Variants in ZNF536 observed in about 807,000 individuals in gnomAD.
ZNF536 encodes the protein zinc finger protein 536.
A neutral mutation model predicts 84.5 loss-of-function variants in ZNF536; 13 were observed. The observed-to-expected ratio is 0.15, with a 90% CI of 0.10 to 0.24. ZNF536 has a LOEUF of 0.24. ZNF536 is among the 10% of genes least tolerant of loss of function. ZNF536 has a pLI of 1.00. For synonymous variants in ZNF536, 811 were observed against 742.5 expected (o/e 1.09, Z -1.50); for missense variants, 1,536 against 1,747.5 (o/e 0.88, Z 2.16).
intron 1 of ZNF536, among the ~76,000 whole-genome samples, chr19:30,394,869 A>G (rs554738720): frequency 6.6e-6 from 1 of 152,342 alleles, no homozygotes; most frequent in East Asian, 1.9e-4. Context: ...CCTGAAAAGC[A>G]GTGGGTAAGC....
At chr19:30,654,313 C>A (rs971600554) in intron 1 of ZNF536, among the ~76,000 whole-genome samples, 3 of 152,130 alleles carry the variant, frequency 2.0e-5, no homozygotes, top group African/African-American at 7.2e-5. Flanking sequence ...GGGATCATCA[C>A]AAAATCTGGA....
chr19:30,442,587 A>G (rs1363421719), intron 1 of ZNF536, among the ~76,000 whole-genome samples: 1 of 152,220 alleles, frequency 6.6e-6, no homozygotes, highest in Non-Finnish European at 1.5e-5. Flanking sequence ...AAGGATGGGA[A>G]GAGCCCCATT....
At chr19:30,310,947 G>A (rs1340516827) in intron 2 of ZNF536, among the ~76,000 whole-genome samples, 2 of 152,216 alleles carry the variant, frequency 1.3e-5, no homozygotes, top group Non-Finnish European at 2.9e-5. Context: ...GGGCGACTCA[G>A]GGCCCCGGCT....
At chr19:30,404,898 C>T (rs1298627087) in intron 1 of ZNF536, among the ~76,000 whole-genome samples, 8 of 152,216 alleles carry the variant, frequency 5.3e-5, no homozygotes, top group African/African-American at 1.9e-4. Context: ...TTCTGACCAA[C>T]AGGCTTCACG....
intron 1 of ZNF536, among the ~76,000 whole-genome samples, chr19:30,393,106 G>A (rs1270712760): frequency 6.6e-6 from 1 of 152,120 alleles, no homozygotes; most frequent in Non-Finnish European, 1.5e-5. Context: ...AGATGCTGAG[G>A]AACAAGAACA....
intron 2 of ZNF536, among the ~76,000 whole-genome samples, chr19:30,332,664 TA>T (rs1568338146): frequency 1.3e-5 from 2 of 152,226 alleles, no homozygotes; most frequent in Admixed American, 1.3e-4. Flanking sequence ...CCAAATTATT[TA>T]ACTACTTCTT....
chr19:30,369,643 C>T (rs549410650), upstream of ZNF536, among the ~76,000 whole-genome samples: 1 of 152,316 alleles, frequency 6.6e-6, no homozygotes, highest in East Asian at 1.9e-4. Flanking sequence ...ACATTATTTT[C>T]TCCCTGTACC....
intron 1 of ZNF536, among the ~76,000 whole-genome samples, chr19:30,611,428 CT>C (rs1216238337): frequency 6.6e-6 from 1 of 152,208 alleles, no homozygotes; most frequent in African/African-American, 2.4e-5. Flanking sequence ...TTAAAACCCC[CT>C]GCTCTGTTCC....
intron 2 of ZNF536, among the ~76,000 whole-genome samples, chr19:30,335,098 C>A (rs1472276900): frequency 6.6e-6 from 1 of 152,166 alleles, no homozygotes; most frequent in Non-Finnish European, 1.5e-5. Flanking sequence ...GCTGGCGGAA[C>A]AGGGATGGGG....
intron 2 of ZNF536, among the ~76,000 whole-genome samples, chr19:30,329,765 TA>T (rs983635719): frequency 1.6e-4 from 25 of 152,204 alleles, no homozygotes; most frequent in African/African-American, 4.6e-4. Flanking sequence ...CACACATTTT[TA>T]AAATGGAGAT....
In ZNF536 at chr19:30,301,089, T is replaced by C. The variant is rs73927006; in HGVS notation, c.-120+16948T>C. Among the ~76,000 whole-genome samples, 1,468 of 152,274 alleles carry C rather than the reference T, an allele frequency of 9.6e-3. 29 individuals carry two copies. Among genetic ancestry groups the C allele is most frequent in the African/African-American group, 0.034 (1,402 of 41,560 alleles). Reference sequence around the variant, plus strand: ...CTGGGACGCCCCATCAGGCCCCTGATCATCACAACGGAAAGTCAGCTTTTG... The same window carrying C: ...CTGGGACGCCCCATCAGGCCCCTGACCATCACAACGGAAAGTCAGCTTTTG... On this transcript the variant is annotated intron_variant, in intron 2 of 5. Transcript: ENST00000585628.
chr19:30,257,438 T>G (rs2024970087), intron 1 of ZNF536, among the ~76,000 whole-genome samples: 1 of 152,248 alleles, frequency 6.6e-6, no homozygotes, highest in South Asian at 2.1e-4. Context: ...TATTTTCCTT[T>G]CACGTGCTGT....
chr19:30,244,829 T>A (rs1383149421), intron 1 of ZNF536, among the ~76,000 whole-genome samples: 1 of 152,078 alleles, frequency 6.6e-6, no homozygotes, highest in Non-Finnish European at 1.5e-5. Flanking sequence ...TGCCTAGTGG[T>A]TTTTTGTTTT....
At chr19:30,605,333 C>T (rs2047832269) in intron 1 of ZNF536, among the ~76,000 whole-genome samples, 1 of 151,902 alleles carries the variant, frequency 6.6e-6, no homozygotes, top group Non-Finnish European at 1.5e-5. Context: ...CCCCTGACCC[C>T]CTCCAAACCT....
At chr19:30,587,221 A>C (rs2047124439) in intron 1 of ZNF536, among the ~76,000 whole-genome samples, 1 of 152,220 alleles carries the variant, frequency 6.6e-6, no homozygotes, top group South Asian at 2.1e-4. Flanking sequence ...TTGAGTGTGC[A>C]TGCAATTTCA....
In ZNF536 at chr19:30,393,131, T is replaced by G. The variant is rs1333563998; in HGVS notation, c.-3+20575T>G. Among the ~76,000 whole-genome samples the G allele has an allele frequency of 5.9e-5, 9 of 152,266 alleles. No homozygotes were observed. The South Asian group carries it at 1.7e-3, about 28-fold the overall frequency. On this transcript the variant is annotated intron_variant, in intron 1 of 4. Transcript: ENST00000355537. ...GAACAAGAACAATCCCCTGTATCAT[T>G]TATTCGTCCATCCACTCATTCATTC...
At chr19:30,554,250 A>ATT (rs2045886630) in intron 4 of ZNF536, 1 of 123,024 alleles carries the variant, frequency 8.1e-6, no homozygotes, top group Non-Finnish European at 1.8e-5. Context: ...GAGAATACCT[A>ATT]CTTTTTTTTT....
chr19:30,632,710 C>T (rs919031733), intron 1 of ZNF536, among the ~76,000 whole-genome samples: 3 of 152,080 alleles, frequency 2.0e-5, no homozygotes, highest in Admixed American at 6.5e-5. Context: ...TGACTAGGCC[C>T]CAATCTCTGT....
At chr19:30,279,895 G>A (rs1350537087) in intron 1 of ZNF536, among the ~76,000 whole-genome samples, 1 of 152,132 alleles carries the variant, frequency 6.6e-6, no homozygotes, top group Non-Finnish European at 1.5e-5. Flanking sequence ...ACTCTTTTCT[G>A]GAAGGAAAGT....
Sources: allele counts gnomAD v4.1 joint callset (sites outside exome capture counted in the v4.1 genomes callset), GRCh38; gene constraint gnomAD v4.1.1; transcripts MANE v1.5; gene names NCBI Gene and HGNC (gene_info 2026-07-23, HGNC 2026-07-21).